The following C6orf118 variants were observed in gnomAD, a reference collection of about 807,000 sequenced individuals.
The protein encoded by C6orf118 is chromosome 6 open reading frame 118, also known as uncharacterized protein C6orf118.
Under a neutral mutation model 50.2 loss-of-function variants are expected in C6orf118, and 50 were observed. The ratio of observed to expected loss-of-function variants is 1.00; its 90% CI spans 0.79 to 1.26. C6orf118 has a LOEUF of 1.26. Ranked by LOEUF, C6orf118 falls within the 50% of genes most tolerant of loss-of-function variation. The pLI, the probability that C6orf118 is intolerant of heterozygous loss-of-function variation, is 0.00. For missense variants in C6orf118, 641 were observed against 578.7 expected (o/e 1.11, Z -1.10); for synonymous variants, 239 against 230.9 (o/e 1.03, Z -0.32).
In C6orf118 at chr6:165,293,418, C is replaced by A. The variant is rs149970829; in HGVS notation, c.1115G>T (p.Arg372Leu). ...EVALLQSAKERSESSEKHIID... is the reference protein window; with the variant it reads ...EVALLQSAKELSESSEKHIID... The stretch of plus-strand genomic sequence containing the variant: ...GACATCACACAGACACCTGCCTGAT[C>A]GTTCCTTTGCAGACTGCAGCAATGC... The change falls in exon 6 of 9, where the codon CGA becomes CTA. Residue 372 changes from arginine to leucine, a missense_variant. Physicochemically the swap from Arg to Leu is moderately radical, Grantham distance 102. Transcript: ENST00000230301. The A allele has an allele frequency of 2.1e-5, 34 of 1,613,796 alleles. No homozygotes were observed. Among genetic ancestry groups the A allele is most frequent in the Non-Finnish European group, 2.8e-5 (33 of 1,179,786 alleles).
chr6:165,283,540 G>A (rs959300200), intron 7 of C6orf118, among the ~76,000 whole-genome samples: 2 of 152,148 alleles, frequency 1.3e-5, no homozygotes, highest in African/African-American at 4.8e-5. Context: ...AACAGGGATC[G>A]CCAGACACCT....
At chr6:165,286,647 C>A (rs1779913794) in intron 7 of C6orf118, among the ~76,000 whole-genome samples, 2 of 151,982 alleles carry the variant, frequency 1.3e-5, no homozygotes, top group South Asian at 4.1e-4. Flanking sequence ...TAAAATTTAT[C>A]ACATAAACAG....
chr6:165,289,963 G>T lies in C6orf118; in HGVS notation c.1225C>A (p.Leu409Met). ...AAAGTTGTTTTAATTTCTTTTTCCA[G>T]AGCTTGTATCTCATCCCACTTACTG... ...ILSKWDEIQALEKEIKTTLVH... is the reference protein window; with the variant it reads ...ILSKWDEIQAMEKEIKTTLVH... The change falls in exon 7 of 9, where the codon CTG becomes ATG. Residue 409 changes from leucine to methionine, a missense_variant. By Grantham distance (15) the Leu-to-Met change is conservative. Coordinates refer to ENST00000230301, the MANE Select transcript of C6orf118 (RefSeq NM_144980.4). The T allele has an allele frequency of 6.2e-7, 1 of 1,610,920 alleles. No homozygotes were observed. Among genetic ancestry groups the T allele is most frequent in the Non-Finnish European group, 8.5e-7 (1 of 1,178,432 alleles).
At chr6:165,285,674 A>C (rs1451287465) in intron 7 of C6orf118, among the ~76,000 whole-genome samples, 1 of 152,284 alleles carries the variant, frequency 6.6e-6, no homozygotes, top group East Asian at 1.9e-4. Flanking sequence ...CTGCTCCTGA[A>C]TGACTCCTGA....
intron 4 of C6orf118, among the ~76,000 whole-genome samples, chr6:165,299,047 G>A (rs1003919385): frequency 3.3e-5 from 5 of 152,158 alleles, no homozygotes; most frequent in South Asian, 2.1e-4. Flanking sequence ...CACCTGGAAC[G>A]CTGTCACCCG....
In C6orf118 at chr6:165,300,487, C is replaced by T. The variant is rs762444014; in HGVS notation, c.754-1G>A. On this transcript the variant is annotated splice_acceptor_variant, in intron 2 of 8. Transcript: ENST00000230301. LOFTEE classifies it high-confidence loss of function. ...TGCACGTGCAAATTTTCTGGAGCTC[C>T]TGGAGGAAAAACAGAGTCAGCCCAT... is the stretch of plus-strand genomic sequence containing the variant. The T allele has an allele frequency of 3.7e-6, 6 of 1,607,972 alleles. No homozygotes were observed. The highest frequency in any genetic ancestry group is 2.2e-5 in the East Asian group (1 of 44,784).
At chr6:165,293,983 A>C (rs1236257017) in intron 5 of C6orf118, among the ~76,000 whole-genome samples, 1 of 152,192 alleles carries the variant, frequency 6.6e-6, no homozygotes, top group Non-Finnish European at 1.5e-5. Flanking sequence ...ATGGTGGCTC[A>C]TGCCTGTAAT....
At chr6:165,297,436 C>A (rs1473231419) in intron 5 of C6orf118, among the ~76,000 whole-genome samples, 11 of 149,344 alleles carry the variant, frequency 7.4e-5, no homozygotes, top group Admixed American at 7.3e-4. Flanking sequence ...CAAATTGGAA[C>A]AACAAATACA....
intron 8 of C6orf118, 99 bp from the exon 9 acceptor site, chr6:165,280,209 C>G: frequency 5.3e-6 from 4 of 759,374 alleles, no homozygotes; most frequent in Non-Finnish European, 8.5e-6. Context: ...CACATTTACC[C>G]AAAAACAGAC....
chr6:165,295,802 T>C (rs1780274129), intron 5 of C6orf118, among the ~76,000 whole-genome samples: 1 of 152,088 alleles, frequency 6.6e-6, no homozygotes, highest in African/African-American at 2.4e-5. Context: ...CCCTATTGCC[T>C]TCACTGGACA....
chr6:165,295,153 TCTA>T (rs1425909963), intron 5 of C6orf118, among the ~76,000 whole-genome samples: 2 of 152,208 alleles, frequency 1.3e-5, no homozygotes, highest in Non-Finnish European at 2.9e-5. Context: ...TAAATATTTT[TCTA>T]CTTTTTCCCA....
chr6:165,302,856 C>T (rs1780611787), intron 1 of C6orf118, among the ~76,000 whole-genome samples: 1 of 152,172 alleles, frequency 6.6e-6, no homozygotes, highest in Non-Finnish European at 1.5e-5. Flanking sequence ...TCTGCAACAT[C>T]AGAGTCATCA....
chr6:165,281,899 A>G (rs1289771114), intron 7 of C6orf118: 1 of 315,392 alleles, frequency 3.2e-6, no homozygotes, highest in Non-Finnish European at 5.9e-6. Context: ...GTAAAAAACT[A>G]GGAGAGGAGG....
chr6:165,309,442 G>C, intron 1 of C6orf118, 120 bp downstream of exon 1: 2 of 1,213,278 alleles, frequency 1.6e-6, no homozygotes, highest in Non-Finnish European at 2.4e-6. Flanking sequence ...CCCTGGAGCC[G>C]GCGTGCAGCC....
chr6:165,285,647 C>A (rs1285312983), intron 7 of C6orf118, among the ~76,000 whole-genome samples: 1 of 152,066 alleles, frequency 6.6e-6, no homozygotes, highest in Non-Finnish European at 1.5e-5. Context: ...CACACAACTA[C>A]ATGGAAATTG....
chr6:165,306,487 TA>T (rs148314295), intron 1 of C6orf118, among the ~76,000 whole-genome samples: 1,102 of 80,684 alleles, frequency 0.014, 18 homozygotes, highest in African/African-American at 0.041. Context: ...AAAAAAATTA[TA>T]AAAAAAAAAG....
At chr6:165,307,671 G>A (rs546930806) in intron 1 of C6orf118, among the ~76,000 whole-genome samples, 47 of 152,172 alleles carry the variant, frequency 3.1e-4, no homozygotes, top group Non-Finnish European at 5.3e-4. Context: ...TTCCCTCTGC[G>A]TTTCTGCCCT....
intron 8 of C6orf118, among the ~76,000 whole-genome samples, chr6:165,280,405 A>G (rs936049729): frequency 6.6e-6 from 1 of 152,222 alleles, no homozygotes; most frequent in African/African-American, 2.4e-5. Context: ...TGCCAAGGCC[A>G]TGGGAGGTGC....
intron 5 of C6orf118, among the ~76,000 whole-genome samples, chr6:165,295,912 C>T (rs28525340): frequency 6.7e-6 from 1 of 150,176 alleles, no homozygotes; most frequent in Non-Finnish European, 1.5e-5. Flanking sequence ...CCAAGTAACC[C>T]CACCCCACCA....
Sources: allele counts gnomAD v4.1 joint callset (sites outside exome capture counted in the v4.1 genomes callset), GRCh38; gene constraint gnomAD v4.1.1; transcripts MANE v1.5; gene names NCBI Gene and HGNC (gene_info 2026-07-23, HGNC 2026-07-21).